The following AFF2 variants were observed in gnomAD, a reference collection of about 807,000 sequenced individuals.
AFF2 encodes AF4/FMR2 family member 2.
Under a neutral mutation model 76.9 loss-of-function variants are expected in AFF2, and 14 were observed. The observed-to-expected ratio is 0.18, with a 90% CI of 0.12 to 0.28. The LOEUF (loss-of-function observed/expected upper bound fraction) is 0.28. Among genes scored for constraint, AFF2 ranks in the 10% least tolerant of loss-of-function variants. The pLI, the probability that AFF2 is intolerant of heterozygous loss-of-function variation, is 1.00. For missense variants in AFF2, 868 were observed against 1,001.1 expected (o/e 0.87, Z 1.79); for synonymous variants, 398 against 366.7 (o/e 1.09, Z -0.98).
At chrX:148,965,199 T>C (rs1353144979) in intron 13 of AFF2, among the ~76,000 whole-genome samples, 1 of 111,603 alleles carries the variant, frequency 9.0e-6, no homozygotes, top group Non-Finnish European at 1.9e-5. Flanking sequence ...TCTTTGTTAG[T>C]CTCAGTGAGA....
intron 1 of AFF2, among the ~76,000 whole-genome samples, chrX:148,597,975 A>G (rs894762192): frequency 1.8e-5 from 2 of 112,521 alleles, no homozygotes; most frequent in South Asian, 3.7e-4. Context: ...GAAATAATCA[A>G]TTATGCTGTT....
At chrX:148,853,452 T>C (rs782598075) in intron 7 of AFF2, among the ~76,000 whole-genome samples, 15 of 111,503 alleles carry the variant, frequency 1.3e-4, no homozygotes, top group Non-Finnish European at 2.6e-4. Context: ...CTTCATATAA[T>C]AAAACAGAGA....
intron 9 of AFF2, among the ~76,000 whole-genome samples, chrX:148,936,929 G>A (rs941436728): frequency 2.7e-5 from 3 of 112,009 alleles, no homozygotes; most frequent in African/African-American, 6.5e-5. Context: ...GAGAAGCTAC[G>A]GCAGGGCTGA....
At chrX:148,963,423 AGTGC>A (rs2072134728) in intron 13 of AFF2, among the ~76,000 whole-genome samples, 1 of 112,000 alleles carries the variant, frequency 8.9e-6, no homozygotes, top group Non-Finnish European at 1.9e-5. Context: ...ACTCTTGTAT[AGTGC>A]TAGCACTGCA....
intron 3 of AFF2, among the ~76,000 whole-genome samples, chrX:148,680,375 G>A (rs782347160): frequency 8.9e-6 from 1 of 112,186 alleles, no homozygotes; most frequent in South Asian, 3.7e-4. Context: ...TATAAAATCA[G>A]GGTATTGCAT....
chrX:148,618,113 A>C (rs1286660875), intron 1 of AFF2, among the ~76,000 whole-genome samples: 2 of 111,634 alleles, frequency 1.8e-5, no homozygotes, highest in African/African-American at 6.5e-5. Flanking sequence ...TTATAACCTG[A>C]ATTATGTTAT....
intron 3 of AFF2, among the ~76,000 whole-genome samples, chrX:148,723,737 G>C (rs1321330809): frequency 3.6e-5 from 4 of 110,638 alleles, no homozygotes; most frequent in Non-Finnish European, 7.6e-5. Flanking sequence ...GCTACAGATG[G>C]TGCCAATTAC....
intron 8 of AFF2, among the ~76,000 whole-genome samples, chrX:148,901,745 T>A (rs1163354841): frequency 8.9e-6 from 1 of 112,340 alleles, no homozygotes; most frequent in Non-Finnish European, 1.9e-5. Context: ...ATGTAATAAT[T>A]CCTCATAGCA....
chrX:148,910,069 CAGAG>C (rs201998867), intron 9 of AFF2, among the ~76,000 whole-genome samples: 1 of 110,515 alleles, frequency 9.0e-6, no homozygotes, highest in African/African-American at 3.3e-5. Context: ...GAGAAAGAAA[CAGAG>C]AGAGAGAGAG....
intron 4 of AFF2, among the ~76,000 whole-genome samples, chrX:148,825,679 C>T (rs954124016): frequency 1.9e-5 from 2 of 106,196 alleles, no homozygotes; most frequent in African/African-American, 6.8e-5. Flanking sequence ...AGCCCAGAGA[C>T]CCTGCCCGGT....
intron 9 of AFF2, among the ~76,000 whole-genome samples, chrX:148,907,004 A>G (rs1203475040): frequency 4.5e-5 from 5 of 111,333 alleles, no homozygotes; most frequent in Non-Finnish European, 7.5e-5. Context: ...CTTCTAATAG[A>G]GCTATAACAC....
At chrX:148,674,390 G>C (rs2054458715) in intron 3 of AFF2, among the ~76,000 whole-genome samples, 1 of 111,750 alleles carries the variant, frequency 8.9e-6, no homozygotes, top group South Asian at 3.8e-4. Flanking sequence ...TCAACAGGAA[G>C]ATGGTTTTTA....
chrX:148,811,013 G>T (rs963109598), intron 4 of AFF2, among the ~76,000 whole-genome samples: 1 of 111,153 alleles, frequency 9.0e-6, no homozygotes. Context: ...TTGCCACCCG[G>T]AGTATACCTG....
intron 3 of AFF2, among the ~76,000 whole-genome samples, chrX:148,670,524 C>T (rs56023716): frequency 0.046 from 5,128 of 111,360 alleles, 306 homozygotes; most frequent in African/African-American, 0.16. Flanking sequence ...TCTGCAGCTG[C>T]GGGTATGTGG....
chrX:148,865,891 A>G (rs906415258), intron 7 of AFF2, among the ~76,000 whole-genome samples: 10 of 111,924 alleles, frequency 8.9e-5, no homozygotes, highest in African/African-American at 3.3e-4. Flanking sequence ...CTTGAGTTTA[A>G]AATGAAGTTC....
intron 3 of AFF2, among the ~76,000 whole-genome samples, chrX:148,710,883 G>A (rs192000954): frequency 1.8e-5 from 2 of 111,709 alleles, no homozygotes; most frequent in African/African-American, 6.5e-5. Flanking sequence ...TTGACTGGAT[G>A]AACTGTAAGA....
chrX:148,784,563 A>C (rs1247433718), intron 3 of AFF2, among the ~76,000 whole-genome samples: 1 of 111,574 alleles, frequency 9.0e-6, no homozygotes, highest in Non-Finnish European at 1.9e-5. Flanking sequence ...CCCAGTACCT[A>C]ATGCTACGGT....
chrX:148,863,880 A>C (rs926749023), intron 7 of AFF2, among the ~76,000 whole-genome samples: 1 of 111,785 alleles, frequency 8.9e-6, no homozygotes, highest in Non-Finnish European at 1.9e-5. Flanking sequence ...TAGAAGTCAG[A>C]AGATTCTTAT....
chrX:148,626,131 C>A (rs782531775), intron 1 of AFF2, among the ~76,000 whole-genome samples: 1 of 112,010 alleles, frequency 8.9e-6, no homozygotes, highest in South Asian at 3.7e-4. Flanking sequence ...GACTCTCCCC[C>A]TATTCTGTCT....
Sources: allele counts gnomAD v4.1 joint callset (sites outside exome capture counted in the v4.1 genomes callset), GRCh38; gene constraint gnomAD v4.1.1; transcripts MANE v1.5; gene names NCBI Gene and HGNC (gene_info 2026-07-23, HGNC 2026-07-21).